TTC27: variants seen among roughly 807,000 people sequenced by gnomAD.
TTC27 encodes the protein tetratricopeptide repeat domain 27, also known as tetratricopeptide repeat protein 27.
In TTC27, 79 loss-of-function variants were observed where a neutral mutation model predicts 115.9. The ratio of observed to expected loss-of-function variants is 0.68; its 90% CI spans 0.57 to 0.82. TTC27 has a LOEUF of 0.82. TTC27 is among the 40% of genes least tolerant of loss of function. The pLI, the probability that TTC27 is intolerant of heterozygous loss-of-function variation, is 0.00. For missense variants in TTC27, 1,054 were observed against 993.1 expected (o/e 1.06, Z -0.82); for synonymous variants, 401 against 356.0 (o/e 1.13, Z -1.42).
At chr2:32,729,441 C>A (rs1197067467) in intron 10 of TTC27, among the ~76,000 whole-genome samples, 5 of 152,082 alleles carry the variant, frequency 3.3e-5, no homozygotes, top group Admixed American at 3.3e-4. Context: ...ATAGAGATAT[C>A]CCTTGACCTG....
intron 9 of TTC27, among the ~76,000 whole-genome samples, chr2:32,682,327 CT>C (rs940821668): frequency 6.6e-6 from 1 of 152,124 alleles, no homozygotes; most frequent in African/African-American, 2.4e-5. Flanking sequence ...GAAAATGCCC[CT>C]ATCCCAACAC....
intron 16 of TTC27, among the ~76,000 whole-genome samples, chr2:32,803,119 C>T (rs1479454782): frequency 6.6e-6 from 1 of 152,232 alleles, no homozygotes; most frequent in Non-Finnish European, 1.5e-5. Flanking sequence ...CACTTTGCCA[C>T]TGCCACCTCC....
At chr2:32,747,250 A>G (rs192938436) in intron 12 of TTC27, among the ~76,000 whole-genome samples, 21 of 152,208 alleles carry the variant, frequency 1.4e-4, no homozygotes, top group Admixed American at 2.6e-4. Flanking sequence ...CCTGATTATG[A>G]TTTCATTTTT....
chr2:32,674,086 A>G (rs993402055), intron 8 of TTC27, among the ~76,000 whole-genome samples: 11 of 152,296 alleles, frequency 7.2e-5, no homozygotes, highest in African/African-American at 2.6e-4. Context: ...TCACAAAGCT[A>G]TAATATTGAT....
intron 7 of TTC27, among the ~76,000 whole-genome samples, chr2:32,668,940 G>A (rs1023576706): frequency 6.6e-6 from 1 of 152,002 alleles, no homozygotes; most frequent in African/African-American, 2.4e-5. Context: ...TTAGCTGGGA[G>A]TGGTGGCAGG....
intron 12 of TTC27, among the ~76,000 whole-genome samples, chr2:32,741,638 C>T (rs1392767643): frequency 7.3e-6 from 1 of 137,856 alleles, no homozygotes. Flanking sequence ...GGTGACAGAG[C>T]GAGAATCCAA....
chr2:32,664,370 A>G lies in TTC27; in HGVS notation c.708A>G (p.Glu236=). Residue 236 remains glutamate (E), a synonymous_variant, in exon 6 of 20, where the codon GAA becomes GAG. Coordinates refer to ENST00000317907, the MANE Select transcript of TTC27 (RefSeq NM_017735.5). The part of the protein sequence containing the change: ...GRYLAIQFHL[E]CAYVFLYYYE... The stretch of plus-strand genomic sequence containing the variant: ...ATTTGGCTATTCAATTCCATCTGGA[A>G]TGTGCATATGTGTTTTTATATTATT... 2.5e-6 allele frequency: 4 copies of G among 1,612,386 alleles called. No individual in the cohort carries two copies. The highest frequency in any genetic ancestry group is 2.5e-6 in the Non-Finnish European group (3 of 1,179,196).
intron 9 of TTC27, among the ~76,000 whole-genome samples, chr2:32,689,054 T>C (rs2151894027): frequency 6.6e-6 from 1 of 152,192 alleles, no homozygotes; most frequent in East Asian, 1.9e-4. Flanking sequence ...CACTGATAAA[T>C]GCAACAGCAT....
At chr2:32,640,202 A>G in intron 3 of TTC27, 68 bp from the exon 4 acceptor site, 1 of 1,418,808 alleles carries the variant, frequency 7.0e-7, no homozygotes, top group Non-Finnish European at 9.6e-7. Flanking sequence ...TCTTTGTATT[A>G]TTACAAGACA....
intron 9 of TTC27, among the ~76,000 whole-genome samples, chr2:32,682,755 A>G (rs1572511424): frequency 7.7e-6 from 1 of 130,452 alleles, no homozygotes; most frequent in African/African-American, 2.9e-5. Flanking sequence ...TGCAGCCTCC[A>G]CCTCCTGGGT....
chr2:32,684,857 G>A (rs10432654), intron 9 of TTC27, among the ~76,000 whole-genome samples: 26,587 of 149,802 alleles, frequency 0.18, 2,694 homozygotes, highest in South Asian at 0.33. Flanking sequence ...GAACAAAACT[G>A]TACTTACACA....
intron 16 of TTC27, among the ~76,000 whole-genome samples, chr2:32,810,253 C>T (rs573897853): frequency 9.2e-5 from 14 of 152,022 alleles, no homozygotes; most frequent in African/African-American, 1.7e-4. Context: ...CCTCTTTAAG[C>T]GGAGTTAGAA....
At chr2:32,691,576 G>A (rs918745219) in intron 9 of TTC27, among the ~76,000 whole-genome samples, 27 of 152,094 alleles carry the variant, frequency 1.8e-4, no homozygotes, top group African/African-American at 6.3e-4. Context: ...GGGGATTACA[G>A]GCATGAGCCA....
At chr2:32,630,743 ACATT>A (rs1249066088) in intron 2 of TTC27, 43 bp downstream of exon 2, 1 of 1,552,386 alleles carries the variant, frequency 6.4e-7, no homozygotes, top group African/African-American at 1.4e-5. Flanking sequence ...CAGAGCAAAT[ACATT>A]TAATAGCACC....
chr2:32,707,944 G>A (rs1344035424), intron 10 of TTC27, among the ~76,000 whole-genome samples: 1 of 151,878 alleles, frequency 6.6e-6, no homozygotes, highest in African/African-American at 2.4e-5. Flanking sequence ...GTGCCAGGAA[G>A]TAAGGTAGTA....
chr2:32,632,580 C>A (rs1259600349), intron 2 of TTC27, among the ~76,000 whole-genome samples: 1 of 152,188 alleles, frequency 6.6e-6, no homozygotes, highest in African/African-American at 2.4e-5. Flanking sequence ...TGATTGCATA[C>A]CAGCTCTTTT....
At chr2:32,665,479 A>T (rs1318908783) in intron 6 of TTC27, among the ~76,000 whole-genome samples, 1 of 152,208 alleles carries the variant, frequency 6.6e-6, no homozygotes, top group Non-Finnish European at 1.5e-5. Context: ...TATATTTACT[A>T]GCTAGTTCTT....
chr2:32,780,465 A>G (rs1306617715), intron 14 of TTC27, among the ~76,000 whole-genome samples: 1 of 152,064 alleles, frequency 6.6e-6, no homozygotes, highest in Non-Finnish European at 1.5e-5. Flanking sequence ...TTTGAGACAG[A>G]ATCTTGCTCT....
chr2:32,781,918 A>T (rs1670190496), intron 14 of TTC27, among the ~76,000 whole-genome samples: 1 of 152,202 alleles, frequency 6.6e-6, no homozygotes, highest in African/African-American at 2.4e-5. Context: ...TCTTTGCCAG[A>T]CTTCAAAAAG....
Sources: allele counts gnomAD v4.1 joint callset (sites outside exome capture counted in the v4.1 genomes callset), GRCh38; gene constraint gnomAD v4.1.1; transcripts MANE v1.5; gene names NCBI Gene and HGNC (gene_info 2026-07-23, HGNC 2026-07-21).